The following C6 variants were observed in gnomAD, a reference collection of about 807,000 sequenced individuals.
The protein encoded by C6 is complement C6, also known as complement component C6.
Under a neutral mutation model 112.9 loss-of-function variants are expected in C6, and 101 were observed. The ratio of observed to expected loss-of-function variants is 0.89; its 90% confidence interval spans 0.76 to 1.06. The LOEUF (loss-of-function observed/expected upper bound fraction) is 1.06. Among genes scored for constraint, C6 ranks in the 50% least tolerant of loss-of-function variants. C6 has a pLI of 0.00. For missense variants in C6, 1,202 were observed against 1,104.6 expected, an observed-to-expected ratio of 1.09 and a Z score of -1.25; for synonymous variants, 431 against 384.1, an observed-to-expected ratio of 1.12 and a Z score of -1.43.
upstream of C6, among the ~76,000 whole-genome samples, chr5:41,215,710 T>C (rs946641945): frequency 6.6e-5 from 10 of 152,084 alleles, no homozygotes; most frequent in African/African-American, 2.4e-4. Flanking sequence ...GGCCAGGACA[T>C]GGAGAGTTAA....
rs1291951623 is a variant in C6 at position 41,203,138 on chromosome 5, C to T, written c.93G>A (p.Gln31=). The T allele has an allele frequency of 6.2e-7, 1 of 1,614,134 alleles. No individual in the cohort carries two copies. The highest frequency in any genetic ancestry group is 8.5e-7 in the Non-Finnish European group (1 of 1,179,980). Residue 31 remains glutamine (Q), a synonymous_variant, in exon 2 of 18, where the codon CAG becomes CAA. Coordinates refer to ENST00000337836, the MANE Select transcript of C6 (RefSeq NM_000065.5). ...ACFCDHYAWT[Q]WTSCSKTCNS... Reference sequence around the variant, plus strand: ...TGCAAGTTTTTGAGCAGCTGGTCCACTGAGTCCATGCATAGTGATCACAGA... The same window carrying T: ...TGCAAGTTTTTGAGCAGCTGGTCCATTGAGTCCATGCATAGTGATCACAGA...
Position 41,181,502 on chromosome 5 carries a change from C to A in C6, c.784G>T (p.Gly262Ter). ...TDFYKDLTSL[G>*]HNENQQGSFS... is the part of the protein sequence containing the mutation. ...GAGCCTTGTTGATTTTCATTGTGTCCAAGAGAAGTTAAATCCTTGTAGAAA... is the reference window on the plus strand; with the variant it reads ...GAGCCTTGTTGATTTTCATTGTGTCAAAGAGAAGTTAAATCCTTGTAGAAA... Residue 262 changes from glycine to a stop codon, truncating the protein, a stop_gained, in exon 7 of 18, where the codon GGA (glycine) becomes TGA (stop). Transcript: ENST00000337836. LOFTEE classifies it high-confidence loss of function. 1 of 1,613,642 alleles carries A rather than the reference C, an allele frequency of 6.2e-7. No individual in the cohort carries two copies. The highest frequency in any genetic ancestry group is 8.5e-7 in the Non-Finnish European group (1 of 1,179,788).
chr5:41,142,988 A>T lies in C6; in HGVS notation c.2642T>A (p.Val881Asp). ...GAAGCACTGTGGGGGCAATAGGCAG[A>T]CACATTTGGAAGTGGAGGCTGTAAT... ...EKCSASTSKC[V>D]CLLPPQCFKG... The change falls in exon 18 of 18, where the codon GTC (valine) becomes GAC (aspartate). Residue 881 changes from valine (V) to aspartate (D), a missense_variant. Coordinates refer to ENST00000337836, the MANE Select transcript of C6 (RefSeq NM_000065.5). 1 of 1,613,394 alleles carries T rather than the reference A, an allele frequency of 6.2e-7. No individual in the cohort carries two copies. The highest frequency in any genetic ancestry group is 8.5e-7 in the Non-Finnish European group (1 of 1,179,586).
intron 5 of C6, among the ~76,000 whole-genome samples, chr5:41,191,712 AAT>A (rs1750229046): frequency 6.6e-6 from 1 of 151,168 alleles, no homozygotes; most frequent in African/African-American, 2.4e-5. Flanking sequence ...AGCTCGTGAT[AAT>A]ATATAGAAAT....
intron 1 of C6, among the ~76,000 whole-genome samples, chr5:41,205,888 G>A (rs941562169): frequency 1.3e-5 from 2 of 152,220 alleles, no homozygotes; most frequent in African/African-American, 4.8e-5. Context: ...CCAGCACGGA[G>A]TTTGAGATCT....
intron 15 of C6, among the ~76,000 whole-genome samples, chr5:41,152,580 A>C (rs780379202): frequency 6.6e-6 from 1 of 152,196 alleles, no homozygotes; most frequent in Non-Finnish European, 1.5e-5. Context: ...AGCAAAAATA[A>C]AGATGTAAAA....
intron 1 of C6, among the ~76,000 whole-genome samples, chr5:41,243,161 CA>C (rs779212155): frequency 6.6e-6 from 1 of 151,982 alleles, no homozygotes. Context: ...GTTCTCATCA[CA>C]AAAAAAGTTA....
At chr5:41,146,585 C>T (rs1295306657) in intron 17 of C6, among the ~76,000 whole-genome samples, 6 of 152,084 alleles carry the variant, frequency 3.9e-5, no homozygotes, top group African/African-American at 1.4e-4. Flanking sequence ...AGAAAGCTAG[C>T]AGAGAAAGAT....
chr5:41,143,525 G>T lies in C6; in HGVS notation c.2624-519C>A, dbSNP rs769040287. Among the ~76,000 whole-genome samples, 4 of 152,288 alleles carry T rather than the reference G, an allele frequency of 2.6e-5. No homozygotes were observed. In the South Asian group the frequency reaches 8.3e-4, roughly 32 times the overall value. Reference sequence around the variant, plus strand: ...TTATCATTTGTAGAGCATGTACTGTGAAGCCACACAATATGCCAAGCACTT... The same window carrying T: ...TTATCATTTGTAGAGCATGTACTGTTAAGCCACACAATATGCCAAGCACTT... On this transcript the variant is annotated intron_variant, in intron 17 of 17. Coordinates refer to ENST00000337836, the MANE Select transcript of C6 (RefSeq NM_000065.5).
intron 1 of C6, chr5:41,261,161 T>TA (rs1275092799): frequency 2.1e-4 from 206 of 961,290 alleles, no homozygotes; most frequent in South Asian, 6.3e-4. Context: ...GCCCACCAAT[T>TA]AAAAAAAAAG....
intron 15 of C6, 148 bp from the exon 16 acceptor site, chr5:41,150,173 C>T (rs1746250512): frequency 3.0e-6 from 2 of 662,126 alleles, no homozygotes. Context: ...AATACATTGT[C>T]ATTAAATATT....
chr5:41,203,269 T>C lies in C6; in HGVS notation c.-20-19A>G. The C allele has an allele frequency of 6.2e-7, 1 of 1,612,360 alleles. No individual in the cohort carries two copies. The highest frequency in any genetic ancestry group is 1.1e-5 in the South Asian group (1 of 91,020). On this transcript the variant is annotated intron_variant, in intron 1 of 17. Coordinates refer to ENST00000337836, the MANE Select transcript of C6 (RefSeq NM_000065.5). ...CCAGGCCCTAAAATGAAAGAATACATAACACATATCAAATGCTTTTTTGAG... is the reference window on the plus strand; with the variant it reads ...CCAGGCCCTAAAATGAAAGAATACACAACACATATCAAATGCTTTTTTGAG...
At chr5:41,218,901 TGCACTTCCTTCTCTTGTGTTTCATAAG>T (rs1738994207) in intron 1 of C6, among the ~76,000 whole-genome samples, 1 of 152,332 alleles carries the variant, frequency 6.6e-6, no homozygotes, top group Non-Finnish European at 1.5e-5. Flanking sequence ...GAAACTCAGC[TGCACTTCCTTCTCTTGTGTTTCATAAG>T]GCCCACCTTT....
intron 9 of C6, among the ~76,000 whole-genome samples, chr5:41,163,987 A>G (rs1747761735): frequency 6.6e-6 from 1 of 152,102 alleles, no homozygotes; most frequent in Non-Finnish European, 1.5e-5. Context: ...TCAGGCCCAG[A>G]TAAATATAAA....
chr5:41,176,614 G>A lies in C6; in HGVS notation c.1029C>T (p.Asn343=). The A allele has an allele frequency of 1.2e-6, 2 of 1,613,922 alleles. No homozygotes were observed. Among genetic ancestry groups the A allele is most frequent in the Non-Finnish European group, 1.7e-6 (2 of 1,179,880 alleles). The change falls in exon 8 of 18, where the codon AAC becomes AAT. Residue 343 remains asparagine (N), a synonymous_variant. Transcript: ENST00000337836. ...HLSDVFLKAL[N]HLPLEYNSAL... is the part of the protein sequence containing the mutation. ...CAGAGTTGTATTCTAGAGGCAGATG[G>A]TTAAGTGCTTTCAAAAAGACATCAG... is the stretch of plus-strand genomic sequence containing the variant.
At position 41,246,317 on chromosome 5, in the gene C6, T is replaced by G. The variant is rs556510753; in HGVS notation, c.-21+14877A>C. On this transcript the variant is annotated intron_variant, in intron 1 of 17. Coordinates refer to the C6 transcript ENST00000263413. ...GCCTCCAGGTTAAAAGCTGGCCAAA[T>G]GCTAGGCTCATTTCTGTACTTTGCT... 2.6e-5 allele frequency among the ~76,000 whole-genome samples: 4 copies of G among 152,210 alleles called. No homozygotes were observed. In the South Asian group the frequency reaches 6.2e-4, roughly 24 times the overall value.
intron 9 of C6, among the ~76,000 whole-genome samples, chr5:41,169,544 T>C (rs1270434331): frequency 6.6e-6 from 1 of 152,126 alleles, no homozygotes; most frequent in Non-Finnish European, 1.5e-5. Flanking sequence ...TACCTGAGAC[T>C]GGGTAATTTA....
intron 1 of C6, among the ~76,000 whole-genome samples, chr5:41,240,208 T>C (rs898117924): frequency 6.6e-6 from 1 of 152,160 alleles, no homozygotes; most frequent in Non-Finnish European, 1.5e-5. Flanking sequence ...GCATTGTTAG[T>C]GGAAGCTCTG....
At chr5:41,202,132 G>C (rs1489750404) in intron 2 of C6, among the ~76,000 whole-genome samples, 1 of 152,124 alleles carries the variant, frequency 6.6e-6, no homozygotes, top group Non-Finnish European at 1.5e-5. Context: ...GACAACATAG[G>C]GGGCTGTGAG....
Sources: allele counts gnomAD v4.1 joint callset (sites outside exome capture counted in the v4.1 genomes callset), GRCh38; gene constraint gnomAD v4.1.1; transcripts MANE v1.5; gene names NCBI Gene and HGNC (gene_info 2026-07-23, HGNC 2026-07-21).